SPATA45: variants seen among roughly 807,000 people sequenced by gnomAD.
The protein encoded by SPATA45 is spermatogenesis-associated protein 45.
In SPATA45, 5 loss-of-function variants were observed where a neutral mutation model predicts 7.0. The observed-to-expected ratio is 0.71, with a 90% CI of 0.37 to 1.50. The LOEUF (loss-of-function observed/expected upper bound fraction) is 1.50. Among genes scored for constraint, SPATA45 ranks in the 40% most tolerant of loss-of-function variants. SPATA45 has a pLI of 0.03. For missense variants in SPATA45, 111 were observed against 114.9 expected, an observed-to-expected ratio of 0.97 and a Z score of 0.16; for synonymous variants, 40 against 38.7, an observed-to-expected ratio of 1.03 and a Z score of -0.13.
intron 1 of SPATA45, among the ~76,000 whole-genome samples, chr1:212,846,161 A>C (rs1663789853): frequency 6.6e-6 from 1 of 152,044 alleles, no homozygotes; most frequent in Non-Finnish European, 1.5e-5. Context: ...CTATACGACA[A>C]ATGCCCCTTC....
chr1:212,836,075 T>C lies in SPATA45; in HGVS notation c.75A>G (p.Ile25Met). Residue 25 changes from isoleucine (I) to methionine (M), a missense_variant, in exon 2 of 3, where the codon ATA (isoleucine) becomes ATG (methionine). Ile to Met is a conservative substitution (Grantham distance 10). Coordinates refer to ENST00000332912, the MANE Select transcript of SPATA45 (RefSeq NM_001024601.3). ...AGCAGTTGGATTCACGCTTTTTGTT[T>C]ATCTCCTCCAGGAGATGTTGTTTGC... Reference protein sequence around the residue: ...GVSKQHLLEEINKKRESNCLV... With the variant: ...GVSKQHLLEEMNKKRESNCLV... 6.2e-7 allele frequency: 1 copy of C among 1,608,912 alleles called. No individual in the cohort carries two copies. Among genetic ancestry groups the C allele is most frequent in the Non-Finnish European group, 8.5e-7 (1 of 1,175,626 alleles).
rs1321933720 is a variant in SPATA45 at position 212,847,644 on chromosome 1, C to T, written c.-103G>A. Reference sequence around the variant, plus strand: ...AAGTCCACTGGTGTGGATTAGCCCACTGGGATGACACCTTGGTGATGGAAT... The same window carrying T: ...AAGTCCACTGGTGTGGATTAGCCCATTGGGATGACACCTTGGTGATGGAAT... On this transcript the variant is annotated 5_prime_UTR_variant, in exon 1 of 3. The change creates a new upstream start codon in the 5' untranslated region. Transcript: ENST00000332912. 6.6e-6 allele frequency: 1 copy of T among 152,188 alleles called. No individual in the cohort carries two copies. The highest frequency in any genetic ancestry group is 1.5e-5 in the Non-Finnish European group (1 of 68,054). 9.4% of individuals were successfully genotyped at this position (152,188 alleles called of 1,614,324 possible). A position where few individuals can be genotyped will look rare whatever the true frequency, so the allele number is the denominator to read the frequency against.
chr1:212,847,339 CTG>C (rs1314890987), intron 1 of SPATA45, among the ~76,000 whole-genome samples: 11 of 152,258 alleles, frequency 7.2e-5, no homozygotes, highest in African/African-American at 2.6e-4. Context: ...AAGATCAAAA[CTG>C]TGGTTTCCAT....
chr1:212,842,246 C>T (rs1663703205), intron 1 of SPATA45, among the ~76,000 whole-genome samples: 1 of 151,732 alleles, frequency 6.6e-6, no homozygotes, highest in Non-Finnish European at 1.5e-5. Context: ...AGTGTGGTGG[C>T]AGGCACCTGT....
At chr1:212,840,358 G>A (rs376230090) in intron 1 of SPATA45, among the ~76,000 whole-genome samples, 17 of 152,296 alleles carry the variant, frequency 1.1e-4, no homozygotes, top group African/African-American at 3.8e-4. Flanking sequence ...TATAGTGAGC[G>A]GAGATCGTTC....
chr1:212,833,679 C>T (rs1051751010), intron 2 of SPATA45, among the ~76,000 whole-genome samples: 2 of 151,414 alleles, frequency 1.3e-5, no homozygotes, highest in Non-Finnish European at 3.0e-5. Flanking sequence ...AGAGTTGGGG[C>T]CTTGCTCTGG....
chr1:212,830,261 T>G lies in SPATA45; in HGVS notation c.278A>C (p.Asn93Thr). The change falls in exon 3 of 3, where the codon AAT (asparagine) becomes ACT (threonine). Residue 93 changes from asparagine to threonine, a missense_variant and splice_region_variant. Physicochemically the swap from Asn to Thr is moderately conservative, Grantham distance 65 (BLOSUM62 0). Coordinates refer to ENST00000332912, the MANE Select transcript of SPATA45 (RefSeq NM_001024601.3). ...HMERKHFPPK[N>T]NAIFG is the part of the protein sequence containing the mutation. Reference sequence around the variant, plus strand: ...TGCACTTTATCCAAATATGGCATTATCTGAAAAAATAAAAAATAAAAAGTA... The same window carrying G: ...TGCACTTTATCCAAATATGGCATTAGCTGAAAAAATAAAAAATAAAAAGTA... 1 of 1,508,130 alleles carries G rather than the reference T, an allele frequency of 6.6e-7. No homozygotes were observed. Among genetic ancestry groups the G allele is most frequent in the Non-Finnish European group, 9.1e-7 (1 of 1,096,200 alleles). 93.4% of individuals were successfully genotyped at this position (1,508,130 alleles called of 1,614,324 possible). A position where few individuals can be genotyped will look rare whatever the true frequency, so the allele number is the denominator to read the frequency against.
chr1:212,833,387 A>G (rs1663523192), intron 2 of SPATA45, among the ~76,000 whole-genome samples: 1 of 151,100 alleles, frequency 6.6e-6, no homozygotes, highest in South Asian at 2.1e-4. Flanking sequence ...GGCCGGGCTC[A>G]GTGGCTCAAG....
At chr1:212,834,666 G>T (rs1427511386) in intron 2 of SPATA45, among the ~76,000 whole-genome samples, 1 of 151,388 alleles carries the variant, frequency 6.6e-6, no homozygotes, top group Non-Finnish European at 1.5e-5. Context: ...GGCCAGGCTG[G>T]TCTCAAACTC....
At chr1:212,832,151 T>A (rs1346555669) in intron 2 of SPATA45, among the ~76,000 whole-genome samples, 1 of 149,684 alleles carries the variant, frequency 6.7e-6, no homozygotes, top group African/African-American at 2.4e-5. Flanking sequence ...CCAGAGTAGC[T>A]AGGATTACAG....
At chr1:212,840,784 A>AT (rs1278418194) in intron 1 of SPATA45, among the ~76,000 whole-genome samples, 1 of 151,642 alleles carries the variant, frequency 6.6e-6, no homozygotes, top group African/African-American at 2.4e-5. Flanking sequence ...CGCCCGGCTA[A>AT]TTTTTTTGTA....
chr1:212,837,586 T>G (rs1663611527), intron 1 of SPATA45, among the ~76,000 whole-genome samples: 1 of 151,156 alleles, frequency 6.6e-6, no homozygotes, highest in Non-Finnish European at 1.5e-5. Flanking sequence ...TGAGCTGAGA[T>G]CACGCGATTG....
chr1:212,841,924 A>G (rs1419985425), intron 1 of SPATA45, among the ~76,000 whole-genome samples: 1 of 151,386 alleles, frequency 6.6e-6, no homozygotes. Flanking sequence ...TGCCCAGCTA[A>G]TTTTTTTGTA....
At chr1:212,838,647 C>T (rs1419985938) in intron 1 of SPATA45, among the ~76,000 whole-genome samples, 1 of 151,692 alleles carries the variant, frequency 6.6e-6, no homozygotes, top group Non-Finnish European at 1.5e-5. Context: ...GAATGTTAAT[C>T]ACAGCTTTTT....
At chr1:212,831,151 A>AT (rs1428406742) in intron 2 of SPATA45, among the ~76,000 whole-genome samples, 1 of 127,994 alleles carries the variant, frequency 7.8e-6, no homozygotes, top group East Asian at 2.4e-4. Flanking sequence ...GTCTCAATAA[A>AT]TTAAAAAAAA....
rs1663634717 is a variant in SPATA45 at position 212,839,051 on chromosome 1, T to C, written c.-38-2864A>G. On this transcript the variant is annotated intron_variant, in intron 1 of 2. Transcript: ENST00000332912. ...AGCCAAAAAGTTCTAACAACCCAAA[T>C]GTCCATCAGAAGCAGAACAAATAAA... 2.0e-5 allele frequency among the ~76,000 whole-genome samples: 3 copies of C among 150,628 alleles called. No homozygotes were observed. In the South Asian group the frequency reaches 6.4e-4, roughly 32 times the overall value.
intron 1 of SPATA45, among the ~76,000 whole-genome samples, chr1:212,840,641 C>T (rs1370990646): frequency 6.6e-6 from 1 of 151,452 alleles, no homozygotes; most frequent in African/African-American, 2.4e-5. Flanking sequence ...GTTTTGAGAC[C>T]GAATCTCGCT....
At position 212,843,942 on chromosome 1, in the gene SPATA45, G is replaced by A. The variant is rs141577794; in HGVS notation, c.-39+3638C>T. On this transcript the variant is annotated intron_variant, in intron 1 of 2. Transcript: ENST00000332912. Reference sequence around the variant, plus strand: ...CCTCAATATCTCCCTCCATTATTCTGTTCTAGATCAACCTAACTGACCCCA... The same window carrying A: ...CCTCAATATCTCCCTCCATTATTCTATTCTAGATCAACCTAACTGACCCCA... Among the ~76,000 whole-genome samples, 4 of 152,076 alleles carry A rather than the reference G, an allele frequency of 2.6e-5. No homozygotes were observed. The East Asian group carries it at 7.7e-4, about 29-fold the overall frequency.
rs757657561 is a variant in SPATA45, at chr1:212,830,256, C to A, written c.283G>T (p.Ala95Ser). 6 of 1,519,444 alleles carry A rather than the reference C, an allele frequency of 3.9e-6. No individual in the cohort carries two copies. The highest frequency in any genetic ancestry group is 4.5e-6 in the Non-Finnish European group (5 of 1,105,136). The allele number at this position is 1,519,444 out of a possible 1,614,324, so 94.1% of individuals were successfully genotyped here. ...GGAGATGCACTTTATCCAAATATGGCATTATCTGAAAAAATAAAAAATAAA... is the reference window on the plus strand; with the variant it reads ...GGAGATGCACTTTATCCAAATATGGAATTATCTGAAAAAATAAAAAATAAA... ...ERKHFPPKNNAIFG is the reference protein window; with the variant it reads ...ERKHFPPKNNSIFG The change falls in exon 3 of 3, where the codon GCC becomes TCC. Residue 95 changes from alanine to serine, a missense_variant. Transcript: ENST00000332912.
Sources: allele counts gnomAD v4.1 joint callset (sites outside exome capture counted in the v4.1 genomes callset), GRCh38; gene constraint gnomAD v4.1.1; transcripts MANE v1.5; gene names NCBI Gene and HGNC (gene_info 2026-07-23, HGNC 2026-07-21).